The following GLCE variants were observed in gnomAD, a reference collection of about 807,000 sequenced individuals.
The protein encoded by GLCE is D-glucuronyl C5-epimerase.
GLCE carries 19 observed loss-of-function variants against 47.9 expected under a neutral mutation model. The observed-to-expected ratio is 0.40, with a 90% CI of 0.28 to 0.58. The LOEUF is 0.58. Ranked by LOEUF, GLCE falls within the 20% of genes least tolerant of loss-of-function variation. GLCE has a pLI of 0.48. For missense variants in GLCE, 556 were observed against 743.3 expected (o/e 0.75, Z 2.93); for synonymous variants, 245 against 263.4 (o/e 0.93, Z 0.68).
chr15:69,229,540 C>T (rs2052492472), intron 2 of GLCE, among the ~76,000 whole-genome samples: 1 of 151,980 alleles, frequency 6.6e-6, no homozygotes, highest in Non-Finnish European at 1.5e-5. Flanking sequence ...CTTTTTTTCT[C>T]TCATTTAAGA....
intron 2 of GLCE, among the ~76,000 whole-genome samples, chr15:69,236,388 T>A (rs963082878): frequency 3.3e-5 from 5 of 152,192 alleles, no homozygotes; most frequent in African/African-American, 9.7e-5. Context: ...TGGAGATGAA[T>A]TTGTTGATTG....
At chr15:69,263,306 A>G (rs1474282745) in intron 4 of GLCE, among the ~76,000 whole-genome samples, 1 of 152,178 alleles carries the variant, frequency 6.6e-6, no homozygotes, top group Non-Finnish European at 1.5e-5. Flanking sequence ...TTTAGAGGAT[A>G]TAGACCTCAT....
intron 1 of GLCE, chr15:69,194,544 T>A (rs1198443134): frequency 6.6e-6 from 1 of 152,132 alleles, no homozygotes; most frequent in African/African-American, 2.4e-5. Flanking sequence ...AATTCATTCT[T>A]ATTATTTTTA....
At chr15:69,207,574 T>A (rs1341593777) in intron 1 of GLCE, among the ~76,000 whole-genome samples, 1 of 152,136 alleles carries the variant, frequency 6.6e-6, no homozygotes, top group Non-Finnish European at 1.5e-5. Flanking sequence ...GTTTCATGAA[T>A]CAAATAGTTC....
chr15:69,237,230 T>C (rs2052604958), intron 2 of GLCE, among the ~76,000 whole-genome samples: 1 of 152,198 alleles, frequency 6.6e-6, no homozygotes, highest in African/African-American at 2.4e-5. Flanking sequence ...TCATGCTTTC[T>C]GCATTGCTTT....
intron 1 of GLCE, among the ~76,000 whole-genome samples, chr15:69,162,490 A>T (rs1447241129): frequency 6.6e-6 from 1 of 151,638 alleles, no homozygotes; most frequent in Non-Finnish European, 1.5e-5. Context: ...AAATTTGAGT[A>T]TACCAAAGCA....
At chr15:69,250,322 T>G (rs887098884) in intron 2 of GLCE, among the ~76,000 whole-genome samples, 1 of 152,150 alleles carries the variant, frequency 6.6e-6, no homozygotes, top group Admixed American at 6.5e-5. Context: ...TATTTTTTAG[T>G]TAATACTGTA....
rs1028885358 is a variant in GLCE, at chr15:69,238,628, AG to A, written c.-13-17165del. Among the ~76,000 whole-genome samples, 8 of 152,306 alleles carry A rather than the reference AG, an allele frequency of 5.3e-5. No homozygotes were observed. The South Asian group carries it at 1.5e-3, about 28-fold the overall frequency. On this transcript the variant is annotated intron_variant, in intron 2 of 4. Coordinates refer to ENST00000261858, the MANE Select transcript of GLCE (RefSeq NM_015554.3). ...TTATTAAGGTTTGAGGATAAATGAG[AG>A]TAGCAGGGTTGACCTACTTATGGAG...
At chr15:69,228,581 A>G (rs7165496) in intron 2 of GLCE, among the ~76,000 whole-genome samples, 4,875 of 151,966 alleles carry the variant, frequency 0.032, 263 homozygotes, top group African/African-American at 0.11. Flanking sequence ...ATTGGAAGAA[A>G]CAAACAATAG....
At chr15:69,216,836 G>A (rs2052314190) in intron 2 of GLCE, among the ~76,000 whole-genome samples, 1 of 152,090 alleles carries the variant, frequency 6.6e-6, no homozygotes, top group Non-Finnish European at 1.5e-5. Context: ...GATTGATTCT[G>A]TTGATAATTC....
At chr15:69,207,437 C>A (rs1409991288) in intron 1 of GLCE, among the ~76,000 whole-genome samples, 2 of 152,088 alleles carry the variant, frequency 1.3e-5, no homozygotes, top group Non-Finnish European at 2.9e-5. Context: ...CAACTCCTCT[C>A]CTGACAACCA....
At chr15:69,262,122 C>G (rs566721108) in intron 4 of GLCE, among the ~76,000 whole-genome samples, 17 of 152,318 alleles carry the variant, frequency 1.1e-4, no homozygotes, top group Non-Finnish European at 2.1e-4. Context: ...AAGACCTCTT[C>G]TGTATTCTCT....
At chr15:69,224,667 T>C (rs1356995544) in intron 2 of GLCE, among the ~76,000 whole-genome samples, 3 of 152,142 alleles carry the variant, frequency 2.0e-5, no homozygotes, top group Non-Finnish European at 4.4e-5. Flanking sequence ...TCCTGCAAGC[T>C]GAGTACAAAC....
At chr15:69,223,002 C>G (rs903394740) in intron 2 of GLCE, among the ~76,000 whole-genome samples, 3 of 152,180 alleles carry the variant, frequency 2.0e-5, no homozygotes, top group Admixed American at 6.5e-5. Context: ...TATTCCCACA[C>G]CTGTCAGTTG....
intron 1 of GLCE, among the ~76,000 whole-genome samples, chr15:69,186,697 A>G (rs765770416): frequency 6.6e-6 from 1 of 152,222 alleles, no homozygotes; most frequent in Non-Finnish European, 1.5e-5. Context: ...AGTATATCCA[A>G]TGGCTACTTC....
rs566181376 is a variant in GLCE, at chr15:69,229,937, C to T, written c.-14+19531C>T. Among the ~76,000 whole-genome samples the T allele has an allele frequency of 1.6e-4, 25 of 151,942 alleles. 1 individual carries two copies. Among genetic ancestry groups the T allele is most frequent in the Admixed American group, 9.8e-4 (15 of 15,242 alleles). On this transcript the variant is annotated intron_variant, in intron 2 of 4. Transcript: ENST00000261858. ...AATAGTAAACAGCTGAGGCTGGGTG[C>T]GGTGGCTCATGTATGTAATTCCAGC...
At chr15:69,222,939 C>T (rs1195117405) in intron 2 of GLCE, among the ~76,000 whole-genome samples, 1 of 152,152 alleles carries the variant, frequency 6.6e-6, no homozygotes, top group Non-Finnish European at 1.5e-5. Context: ...CTAATTTGAG[C>T]TTATAAAAGT....
intron 2 of GLCE, among the ~76,000 whole-genome samples, chr15:69,234,502 A>T (rs1200344422): frequency 1.3e-5 from 2 of 152,172 alleles, no homozygotes; most frequent in Non-Finnish European, 2.9e-5. Context: ...GTGAAAACTT[A>T]GTTTCAACCC....
chr15:69,246,406 G>T (rs952169901), intron 2 of GLCE, among the ~76,000 whole-genome samples: 1 of 152,126 alleles, frequency 6.6e-6, no homozygotes, highest in Non-Finnish European at 1.5e-5. Flanking sequence ...GTTACAAAAT[G>T]TATTTATTAA....
Sources: gnomAD v4.1 joint callset for allele counts (sites outside exome capture counted in the v4.1 genomes callset) on GRCh38, gnomAD v4.1.1 for gene constraint, MANE v1.5 for transcripts, NCBI Gene and HGNC (gene_info 2026-07-23, HGNC 2026-07-21) for gene names.